The following CCNY variants were observed in gnomAD, a reference collection of about 807,000 sequenced individuals.
CCNY encodes the protein cyclin-Y.
A neutral mutation model predicts 42.8 loss-of-function variants in CCNY; 19 were observed. The observed-to-expected ratio is 0.44, with a 90% CI of 0.31 to 0.65. The LOEUF is 0.65. Ranked by LOEUF, CCNY falls within the 30% of genes least tolerant of loss-of-function variation. The pLI is 0.07. For missense variants in CCNY, 370 were observed against 437.3 expected (o/e 0.85, Z 1.37); for synonymous variants, 165 against 162.7 (o/e 1.01, Z -0.11).
At chr10:35,269,910 G>A (rs559582195) in intron 3 of CCNY, among the ~76,000 whole-genome samples, 1 of 152,148 alleles carries the variant, frequency 6.6e-6, no homozygotes, top group South Asian at 2.1e-4. Context: ...TTACGTGCCC[G>A]GCCAAGTTCA....
intron 1 of CCNY, among the ~76,000 whole-genome samples, chr10:35,349,109 G>A (rs1449898106): frequency 6.6e-6 from 1 of 152,178 alleles, no homozygotes; most frequent in Non-Finnish European, 1.5e-5. Context: ...AGGGTGGACG[G>A]TGGGACTTGA....
chr10:35,347,950 T>C (rs1235014773), intron 1 of CCNY, among the ~76,000 whole-genome samples: 1 of 152,250 alleles, frequency 6.6e-6, no homozygotes, highest in Non-Finnish European at 1.5e-5. Flanking sequence ...GTCATGGTGC[T>C]GTGTTTAATC....
chr10:35,436,167 G>C (rs1260123852), intron 1 of CCNY, among the ~76,000 whole-genome samples: 3 of 152,276 alleles, frequency 2.0e-5, no homozygotes, highest in Non-Finnish European at 2.9e-5. Context: ...GGGAAGCCCA[G>C]GAGTGACTTG....
chr10:35,357,473 A>G (rs1836583995), intron 1 of CCNY, among the ~76,000 whole-genome samples: 1 of 152,168 alleles, frequency 6.6e-6, no homozygotes, highest in South Asian at 2.1e-4. Context: ...GTGTTTCTAG[A>G]CCTTGGCATT....
intron 1 of CCNY, among the ~76,000 whole-genome samples, chr10:35,479,720 G>A (rs1055029356): frequency 1.3e-5 from 2 of 150,924 alleles, no homozygotes; most frequent in Non-Finnish European, 2.9e-5. Flanking sequence ...TAACTAACCT[G>A]CACAATGTGC....
intron 1 of CCNY, among the ~76,000 whole-genome samples, chr10:35,430,411 T>G (rs3013361): frequency 0.078 from 11,761 of 151,114 alleles, 832 homozygotes; most frequent in African/African-American, 0.19. Flanking sequence ...CGTCCATAGT[T>G]AATTTCATGG....
intron 1 of CCNY, among the ~76,000 whole-genome samples, chr10:35,343,638 C>T (rs570468806): frequency 5.3e-4 from 81 of 152,210 alleles, no homozygotes; most frequent in African/African-American, 1.9e-3. Context: ...GATCTGCCTG[C>T]CTCTGCCTCC....
At chr10:35,439,044 C>T (rs1838605090) in intron 1 of CCNY, among the ~76,000 whole-genome samples, 1 of 152,040 alleles carries the variant, frequency 6.6e-6, no homozygotes, top group Non-Finnish European at 1.5e-5. Context: ...TTGTTTTTTC[C>T]TTATAGGTAG....
intron 3 of CCNY, among the ~76,000 whole-genome samples, chr10:35,325,009 C>T (rs1225478688): frequency 6.6e-6 from 1 of 152,170 alleles, no homozygotes; most frequent in Non-Finnish European, 1.5e-5. Context: ...TAAGTGTCAA[C>T]ATACTATAAA....
At chr10:35,339,650 A>G (rs1836130505) in intron 1 of CCNY, among the ~76,000 whole-genome samples, 1 of 152,202 alleles carries the variant, frequency 6.6e-6, no homozygotes, top group Admixed American at 6.5e-5. Context: ...TTTGAAGTTC[A>G]TGGGTCTTCT....
intron 2 of CCNY, among the ~76,000 whole-genome samples, chr10:35,486,615 T>G (rs1839793404): frequency 1.3e-5 from 2 of 152,208 alleles, no homozygotes; most frequent in Non-Finnish European, 2.9e-5. Context: ...ACTGGCTTCC[T>G]TAACCTTTCT....
chr10:35,279,616 G>C (rs946195637), intron 3 of CCNY, among the ~76,000 whole-genome samples: 1 of 152,190 alleles, frequency 6.6e-6, no homozygotes, highest in African/African-American at 2.4e-5. Context: ...AGGCATCTGA[G>C]GAAGGCCTCA....
intron 1 of CCNY, among the ~76,000 whole-genome samples, chr10:35,371,049 T>G (rs561928707): frequency 6.6e-6 from 1 of 152,312 alleles, no homozygotes; most frequent in African/African-American, 2.4e-5. Flanking sequence ...CATTATTGAT[T>G]GTCTGTTAGG....
chr10:35,289,793 G>A (rs1835390668), intron 3 of CCNY, among the ~76,000 whole-genome samples: 1 of 149,528 alleles, frequency 6.7e-6, no homozygotes, highest in Admixed American at 6.8e-5. Flanking sequence ...AGAATCACTT[G>A]AACCCAGGAG....
At chr10:35,450,702 T>C (rs1838896914) in intron 1 of CCNY, among the ~76,000 whole-genome samples, 1 of 152,128 alleles carries the variant, frequency 6.6e-6, no homozygotes, top group African/African-American at 2.4e-5. Flanking sequence ...TTTTCTTTTT[T>C]TTTTTTCTTT....
At chr10:35,480,776 G>C (rs1839649698) in intron 1 of CCNY, among the ~76,000 whole-genome samples, 1 of 152,156 alleles carries the variant, frequency 6.6e-6, no homozygotes, top group African/African-American at 2.4e-5. Flanking sequence ...AGACCAGCCT[G>C]GGCAACACAG....
At chr10:35,255,708 C>T (rs1390482801) in intron 3 of CCNY, among the ~76,000 whole-genome samples, 1 of 151,544 alleles carries the variant, frequency 6.6e-6, no homozygotes, top group Non-Finnish European at 1.5e-5. Flanking sequence ...GATCCTCCCA[C>T]CTCAGCCTCT....
chr10:35,487,635 T>C lies in CCNY; in HGVS notation c.229+4157T>C, dbSNP rs186182373. Among the ~76,000 whole-genome samples the C allele has an allele frequency of 3.3e-5, 5 of 152,266 alleles. No homozygotes were observed. In the East Asian group the frequency reaches 9.7e-4, roughly 29 times the overall value. On this transcript the variant is annotated intron_variant, in intron 2 of 9. Transcript: ENST00000374704. ...TTAGGCTGGACGTGGAACTTTTTTCTTGTTCCAAGCAGGAGACTAGGAACT... is the reference window on the plus strand; with the variant it reads ...TTAGGCTGGACGTGGAACTTTTTTCCTGTTCCAAGCAGGAGACTAGGAACT...
chr10:35,290,538 TATA>T (rs1365256157), intron 3 of CCNY, among the ~76,000 whole-genome samples: 2 of 152,248 alleles, frequency 1.3e-5, no homozygotes, highest in African/African-American at 4.8e-5. Context: ...TATTGTTTTT[TATA>T]ATTTTTTGAA....
Sources: gnomAD v4.1 joint callset for allele counts (sites outside exome capture counted in the v4.1 genomes callset) on GRCh38, gnomAD v4.1.1 for gene constraint, MANE v1.5 for transcripts, NCBI Gene and HGNC (gene_info 2026-07-23, HGNC 2026-07-21) for gene names.